The following SULT1C4 variants were observed in gnomAD, a reference collection of about 807,000 sequenced individuals.
SULT1C4 encodes sulfotransferase 1C4.
Under a neutral mutation model 34.8 loss-of-function variants are expected in SULT1C4, and 32 were observed. That is an observed-to-expected ratio of 0.92 (90% CI 0.69 to 1.23). The LOEUF (loss-of-function observed/expected upper bound fraction) is 1.23, where lower values mean the gene tolerates loss of function less well. Among genes scored for constraint, SULT1C4 ranks in the 50% most tolerant of loss-of-function variants. The pLI, the probability that SULT1C4 is intolerant of heterozygous loss-of-function variation, is 0.00. For missense variants in SULT1C4, 375 were observed against 365.9 expected (o/e 1.02, Z -0.20); for synonymous variants, 111 against 120.5 (o/e 0.92, Z 0.51).
chr2:108,387,413 CT>C lies in SULT1C4; in HGVS notation c.893del (p.Phe298SerfsTer15). The C allele has an allele frequency of 6.2e-7, 1 of 1,612,090 alleles. No individual in the cohort carries two copies. The highest frequency in any genetic ancestry group is 8.5e-7 in the Non-Finnish European group (1 of 1,178,638). Reference sequence around the variant, plus strand: ...AAGAAAATGACTGATACCAGACTAACTTTCCACTTCCAGTTCTAGTAAGGAA... The same window carrying C: ...AAGAAAATGACTGATACCAGACTAACTTCCACTTCCAGTTCTAGTAAGGAA... ...YKKKMTDTRLTFHFQF is the reference protein window; with the variant it reads ...YKKKMTDTRLXFHFQF On this transcript the variant is annotated frameshift_variant, in exon 7 of 7. Transcript: ENST00000272452. LOFTEE classifies it high-confidence loss of function.
chr2:108,380,425 G>C (rs1678355722), intron 1 of SULT1C4, among the ~76,000 whole-genome samples: 1 of 152,046 alleles, frequency 6.6e-6, no homozygotes, highest in Admixed American at 6.6e-5. Context: ...TGAAGCAAGA[G>C]GACCATTGAG....
chr2:108,383,384 C>G, intron 4 of SULT1C4, 32 bp from the exon 5 acceptor site: 1 of 1,606,688 alleles, frequency 6.2e-7, no homozygotes, highest in African/African-American at 1.3e-5. Flanking sequence ...ACCTCTGTGA[C>G]TCATTGTCCT....
chr2:108,385,071 T>C (rs991906895), intron 5 of SULT1C4, among the ~76,000 whole-genome samples: 1 of 152,220 alleles, frequency 6.6e-6, no homozygotes, highest in Non-Finnish European at 1.5e-5. Context: ...ATAATTGTTA[T>C]AGCTCTAGGA....
rs975602709 is a variant in SULT1C4 at position 108,388,314 on chromosome 2, C to T, written c.*882C>T. ...ACTCTCCCACCCTCAGCTAATGCTA[C>T]AATCCTGGAGTCACCTCTTGACTCA... On this transcript the variant is annotated 3_prime_UTR_variant, in exon 7 of 7. Coordinates refer to ENST00000272452, the MANE Select transcript of SULT1C4 (RefSeq NM_006588.4). Among the ~76,000 whole-genome samples, 15 of 152,170 alleles carry T rather than the reference C, an allele frequency of 9.9e-5. No homozygotes were observed. Among genetic ancestry groups the T allele is most frequent in the African/African-American group, 3.6e-4 (15 of 41,440 alleles).
In SULT1C4 at chr2:108,378,431, T is replaced by G. The variant is rs1364588300; in HGVS notation, c.94T>G (p.Cys32Gly). Residue 32 changes from cysteine to glycine, a missense_variant, in exon 1 of 7, where the codon TGT (cysteine) becomes GGT (glycine). Physicochemically the swap from Cys to Gly is radical, Grantham distance 159. Coordinates refer to ENST00000272452, the MANE Select transcript of SULT1C4 (RefSeq NM_006588.4). ...VKGILQPTDT[C>G]DIWDKIWNFQ... ...GGGAATTCTTCAACCGACAGACACC[T>G]GTGACATCTGGGATAAGATCTGGAA... 1 of 1,614,186 alleles carries G rather than the reference T, an allele frequency of 6.2e-7. No homozygotes were observed. The highest frequency in any genetic ancestry group is 1.7e-5 in the Admixed American group (1 of 60,026).
intron 5 of SULT1C4, among the ~76,000 whole-genome samples, chr2:108,385,114 C>A (rs1678534357): frequency 6.6e-6 from 1 of 152,200 alleles, no homozygotes; most frequent in African/African-American, 2.4e-5. Flanking sequence ...ACCAGCAGAA[C>A]AACCTATGAG....
intron 1 of SULT1C4, among the ~76,000 whole-genome samples, chr2:108,380,117 C>T (rs1573293089): frequency 4.6e-5 from 7 of 152,188 alleles, no homozygotes; most frequent in Admixed American, 4.6e-4. Context: ...AACCTATGCC[C>T]TTATTCTAGG....
chr2:108,385,473 T>C (rs542656432), intron 5 of SULT1C4, among the ~76,000 whole-genome samples: 4 of 152,186 alleles, frequency 2.6e-5, no homozygotes, highest in Non-Finnish European at 5.9e-5. Context: ...GTGAGGTCAA[T>C]TAAATGAAAC....
chr2:108,380,677 G>A (rs1252835501), intron 1 of SULT1C4, among the ~76,000 whole-genome samples: 1 of 152,216 alleles, frequency 6.6e-6, no homozygotes, highest in Non-Finnish European at 1.5e-5. Context: ...GACACAGACA[G>A]ACTGAAGCTG....
In SULT1C4 at chr2:108,386,244, A is replaced by G; in HGVS notation, c.668A>G (p.Asp223Gly). 10 of 1,563,640 alleles carry G rather than the reference A, an allele frequency of 6.4e-6. No individual in the cohort carries two copies. Among genetic ancestry groups the G allele is most frequent in the Non-Finnish European group, 8.7e-6 (10 of 1,153,844 alleles). The part of the protein sequence containing the change: ...KLAEFIGKKL[D>G]DKVLDKIVHY... Reference sequence around the variant, plus strand: ...GCAGAATTTATTGGGAAGAAATTAGATGACAAAGTTCTAGATAAAATTGTC... The same window carrying G: ...GCAGAATTTATTGGGAAGAAATTAGGTGACAAAGTTCTAGATAAAATTGTC... The change falls in exon 6 of 7, where the codon GAT becomes GGT. Residue 223 changes from aspartate to glycine, a missense_variant. Asp to Gly is a moderately conservative substitution (Grantham distance 94). Coordinates refer to ENST00000272452, the MANE Select transcript of SULT1C4 (RefSeq NM_006588.4).
In SULT1C4 at chr2:108,381,488, C is replaced by CA. The variant is rs536566542; in HGVS notation, c.170-269dup. Among the ~76,000 whole-genome samples the CA allele has an allele frequency of 3.3e-3, 506 of 152,054 alleles. 6 individuals are homozygous for CA. Among genetic ancestry groups the CA allele is most frequent in the Admixed American group, 7.5e-3 (115 of 15,266 alleles). On this transcript the variant is annotated intron_variant, in intron 1 of 6. Transcript: ENST00000272452. ...GCAACATGGTAAAATGCCGTCTCTACAAAAAGTATAAAAATTAGCCAGGGG... is the reference window on the plus strand; with the variant it reads ...GCAACATGGTAAAATGCCGTCTCTACAAAAAAGTATAAAAATTAGCCAGGGG...
chr2:108,379,168 G>T lies in SULT1C4; in HGVS notation c.169+662G>T, dbSNP rs954970280. Among the ~76,000 whole-genome samples the T allele has an allele frequency of 2.6e-5, 4 of 151,992 alleles. No individual in the cohort carries two copies. The South Asian group carries it at 8.3e-4, about 32-fold the overall frequency. ...ATATCTACTAGAAATACATTACTGG[G>T]TCCACACACAAATTGTATATACATT... On this transcript the variant is annotated intron_variant, in intron 1 of 6. Coordinates refer to ENST00000272452, the MANE Select transcript of SULT1C4 (RefSeq NM_006588.4).
chr2:108,385,517 C>T (rs1433924884), intron 5 of SULT1C4, among the ~76,000 whole-genome samples: 8 of 152,162 alleles, frequency 5.3e-5, no homozygotes, highest in Non-Finnish European at 1.0e-4. Flanking sequence ...AGCAGAAGCC[C>T]ACTATAGACA....
In SULT1C4 at chr2:108,378,086, G is replaced by A. The variant is rs1678290000; in HGVS notation, c.-252G>A. The A allele has an allele frequency of 3.5e-6, 1 of 288,172 alleles. No individual in the cohort carries two copies. The highest frequency in any genetic ancestry group is 6.4e-6 in the Non-Finnish European group (1 of 156,836). 17.9% of individuals were successfully genotyped at this position (288,172 alleles called of 1,614,324 possible). ...CTCTGCTGTGACGCCACAGCCTGGT[G>A]AGGAGGGGGCTGCAGTTCCTCAGGA... On this transcript the variant is annotated 5_prime_UTR_variant, in exon 1 of 7. Coordinates refer to ENST00000272452, the MANE Select transcript of SULT1C4 (RefSeq NM_006588.4).
chr2:108,384,739 T>C (rs977405129), intron 5 of SULT1C4, among the ~76,000 whole-genome samples: 25 of 152,236 alleles, frequency 1.6e-4, no homozygotes, highest in Non-Finnish European at 2.5e-4. Flanking sequence ...ATGTTTATTG[T>C]AAATAATCAT....
chr2:108,381,647 A>G (rs1475444586), intron 1 of SULT1C4, 115 bp from the exon 2 acceptor site: 12 of 1,160,636 alleles, frequency 1.0e-5, no homozygotes, highest in African/African-American at 1.6e-5. Flanking sequence ...GTCTCAAAAA[A>G]CAAAACAAAA....
rs1383802633 is a variant in SULT1C4, at chr2:108,383,475, C to T, written c.580C>T (p.Arg194Cys). ...KGWWEAKDKH[R>C]ILYLFYEDMK... ...ATGGTGGGAAGCCAAAGACAAACACCGTATTCTCTATCTCTTCTATGAGGA... is the reference window on the plus strand; with the variant it reads ...ATGGTGGGAAGCCAAAGACAAACACTGTATTCTCTATCTCTTCTATGAGGA... The change falls in exon 5 of 7, where the codon CGT becomes TGT. Residue 194 changes from arginine (R) to cysteine (C), a missense_variant. Arg to Cys is a radical substitution (Grantham distance 180). Transcript: ENST00000272452. The T allele has an allele frequency of 3.7e-6, 6 of 1,614,034 alleles. No homozygotes were observed. The East Asian group carries it at 6.7e-5, about 18-fold the overall frequency.
At position 108,378,378 on chromosome 2, in the gene SULT1C4, C is replaced by A. The variant is rs1482467740; in HGVS notation, c.41C>A (p.Thr14Lys). 1.2e-6 allele frequency: 2 copies of A among 1,614,138 alleles called. No individual in the cohort carries two copies. The highest frequency in any genetic ancestry group is 1.1e-5 in the South Asian group (1 of 91,078). The change falls in exon 1 of 7, where the codon ACA (threonine) becomes AAA (lysine). Residue 14 changes from threonine to lysine, a missense_variant. Physicochemically the swap from Thr to Lys is moderately conservative, Grantham distance 78. Transcript: ENST00000272452. ...HDMEDFTFDG[T>K]KRLSVNYVKG... ...ATGGAGGATTTTACATTTGATGGAA[C>A]AAAGCGCTTAAGTGTCAACTACGTG...
chr2:108,387,549 G>T lies in SULT1C4; in HGVS notation c.*117G>T, dbSNP rs1015235713. 19 of 732,036 alleles carry T rather than the reference G, an allele frequency of 2.6e-5. No homozygotes were observed. The highest frequency in any genetic ancestry group is 3.5e-5 in the Non-Finnish European group (16 of 456,110). The allele number at this position is 732,036 out of a possible 1,614,324, so 45.3% of individuals were successfully genotyped here. On this transcript the variant is annotated 3_prime_UTR_variant, in exon 7 of 7. Coordinates refer to ENST00000272452, the MANE Select transcript of SULT1C4 (RefSeq NM_006588.4). ...TCCAGTTATCAGAATAGTTTACTGT[G>T]TTTGCTCTTATTCACTCTACTAAAA...
Sources: allele counts gnomAD v4.1 joint callset (sites outside exome capture counted in the v4.1 genomes callset), GRCh38; gene constraint gnomAD v4.1.1; transcripts MANE v1.5; gene names NCBI Gene and HGNC (gene_info 2026-07-23, HGNC 2026-07-21).